The following NCKAP5 variants were observed in gnomAD, a reference collection of about 807,000 sequenced individuals.
NCKAP5 encodes NCK associated protein 5, also known as nck-associated protein 5.
A neutral mutation model predicts 167.0 loss-of-function variants in NCKAP5; 92 were observed. The ratio of observed to expected loss-of-function variants is 0.55; its 90% CI spans 0.47 to 0.66. The LOEUF is 0.66. Ranked by LOEUF, NCKAP5 falls within the 30% of genes least tolerant of loss-of-function variation. NCKAP5 has a pLI of 0.00. For missense variants in NCKAP5, 2,378 were observed against 2,315.0 expected (o/e 1.03, Z -0.56); for synonymous variants, 891 against 877.4 (o/e 1.02, Z -0.27).
intron 19 of NCKAP5, among the ~76,000 whole-genome samples, chr2:132,706,949 T>C (rs1212450576): frequency 6.6e-6 from 1 of 152,196 alleles, no homozygotes. Flanking sequence ...CATAAGAAGC[T>C]GGAGATGAAG....
the NCKAP5 span, among the ~76,000 whole-genome samples, chr2:133,579,479 CTT>C: frequency 6.6e-6 from 1 of 152,160 alleles, no homozygotes; most frequent in African/African-American, 2.4e-5. Context: ...CTGGCAGAGA[CTT>C]TGATTTTCTG....
At chr2:132,706,907 A>C (rs932540587) in intron 19 of NCKAP5, among the ~76,000 whole-genome samples, 1 of 152,150 alleles carries the variant, frequency 6.6e-6, no homozygotes, top group African/African-American at 2.4e-5. Flanking sequence ...TAAGCATAAT[A>C]CTCTCTGAGA....
chr2:132,989,177 T>A (rs1248331925), intron 7 of NCKAP5, among the ~76,000 whole-genome samples: 1 of 152,252 alleles, frequency 6.6e-6, no homozygotes, highest in Non-Finnish European at 1.5e-5. Flanking sequence ...GTTCTGTGAT[T>A]ATTTGCATCT....
At chr2:132,757,288 A>G (rs1051383529) in intron 16 of NCKAP5, among the ~76,000 whole-genome samples, 1 of 152,208 alleles carries the variant, frequency 6.6e-6, no homozygotes. Context: ...ATTAAGACTG[A>G]CATTGATAAG....
the NCKAP5 span, among the ~76,000 whole-genome samples, chr2:133,601,765 C>A: frequency 6.6e-6 from 1 of 151,978 alleles, no homozygotes; most frequent in Non-Finnish European, 1.5e-5. Context: ...ATAAACTCTA[C>A]CTTGAAGAAC....
intron 6 of NCKAP5, chr2:133,117,239 A>G (rs972549163): frequency 2.0e-5 from 3 of 152,228 alleles, no homozygotes; most frequent in African/African-American, 7.2e-5. Flanking sequence ...TAGTGCTGGC[A>G]CTTGGTAATT....
At chr2:132,680,634 C>T (rs1028596316) in intron 19 of NCKAP5, among the ~76,000 whole-genome samples, 4 of 152,014 alleles carry the variant, frequency 2.6e-5, no homozygotes, top group Non-Finnish European at 4.4e-5. Flanking sequence ...AACACCAGAT[C>T]AAGAGTACTG....
Position 133,153,833 on chromosome 2 carries a change from C to CTTTT in NCKAP5, c.208-23726_208-23723dup, listed in dbSNP as rs570596198. On this transcript the variant is annotated intron_variant, in intron 5 of 19. Coordinates refer to ENST00000409261, the MANE Select transcript of NCKAP5 (RefSeq NM_207363.3). ...GGCCCACTTCAAATAGTTCCTCCTT[C>CTTTT]TTTTTTTTTTTTTTTTTTTTGAGAT... Among the ~76,000 whole-genome samples the CTTTT allele has an allele frequency of 5.8e-3, 632 of 109,704 alleles. 16 individuals are homozygous for CTTTT. The highest frequency in any genetic ancestry group is 0.014 in the African/African-American group (375 of 27,150). The allele number at this position is 109,704 out of a possible 152,430, so 72.0% of individuals were successfully genotyped here.
At chr2:133,337,369 G>C (rs1430736311) in intron 3 of NCKAP5, among the ~76,000 whole-genome samples, 4 of 152,218 alleles carry the variant, frequency 2.6e-5, no homozygotes, top group Admixed American at 2.6e-4. Context: ...TAAGTACCAA[G>C]CTTGTGTGCT....
intron 3 of NCKAP5, among the ~76,000 whole-genome samples, chr2:133,509,446 C>A (rs954662267): frequency 3.3e-5 from 5 of 152,208 alleles, no homozygotes; most frequent in Non-Finnish European, 7.3e-5. Flanking sequence ...CCAAACAGCA[C>A]CCTGGGCCTG....
intron 4 of NCKAP5, among the ~76,000 whole-genome samples, chr2:133,262,607 A>G (rs934612608): frequency 8.5e-5 from 13 of 152,246 alleles, no homozygotes; most frequent in African/African-American, 3.1e-4. Flanking sequence ...GAGAAAGAGG[A>G]TGGAAGGGCG....
At chr2:132,906,948 A>G (rs151192523) in intron 8 of NCKAP5, among the ~76,000 whole-genome samples, 102 of 152,332 alleles carry the variant, frequency 6.7e-4, no homozygotes, top group African/African-American at 2.4e-3. Context: ...GACACGTTTT[A>G]CTTGAATGAT....
intron 6 of NCKAP5, among the ~76,000 whole-genome samples, chr2:133,099,298 G>A (rs146077381): frequency 5.9e-5 from 9 of 152,110 alleles, no homozygotes; most frequent in South Asian, 2.1e-4. Context: ...TGGTCTCCAC[G>A]GAATTTGTTT....
At chr2:132,954,026 T>G (rs543419995) in intron 8 of NCKAP5, among the ~76,000 whole-genome samples, 3 of 151,870 alleles carry the variant, frequency 2.0e-5, no homozygotes, top group South Asian at 2.1e-4. Context: ...GAACTGAGAG[T>G]TGGAGAAAGC....
intron 6 of NCKAP5, among the ~76,000 whole-genome samples, chr2:133,100,943 T>C (rs2081493968): frequency 6.6e-6 from 1 of 152,202 alleles, no homozygotes; most frequent in Admixed American, 6.5e-5. Flanking sequence ...TTTGTTGCCA[T>C]TGCTTTTGGT....
At chr2:133,353,614 A>G (rs1684511191) in intron 3 of NCKAP5, among the ~76,000 whole-genome samples, 1 of 152,130 alleles carries the variant, frequency 6.6e-6, no homozygotes, top group Non-Finnish European at 1.5e-5. Flanking sequence ...TTGGCCTGAG[A>G]CACACCCCTA....
intron 3 of NCKAP5, among the ~76,000 whole-genome samples, chr2:133,308,164 C>T (rs1005950730): frequency 1.4e-5 from 2 of 145,174 alleles, no homozygotes; most frequent in East Asian, 4.1e-4. Context: ...TCTCGGCTCA[C>T]TGCAAGCTCC....
intron 2 of NCKAP5, among the ~76,000 whole-genome samples, chr2:133,520,887 C>T (rs544352416): frequency 2.0e-5 from 3 of 152,276 alleles, no homozygotes; most frequent in South Asian, 2.1e-4. Flanking sequence ...TGGCAACAAG[C>T]GGTACAGTTA....
rs147357356 is a variant in NCKAP5, at chr2:133,346,759, C to T, written c.70-43649G>A. Among the ~76,000 whole-genome samples, 13 of 152,274 alleles carry T rather than the reference C, an allele frequency of 8.5e-5. No individual in the cohort carries two copies. In the East Asian group the frequency reaches 2.1e-3, roughly 25 times the overall value. Reference sequence around the variant, plus strand: ...GCAACCAAGCTTCATCCATGGATGGCGATGCAACAGGAGGGCCACTTGCCA... The same window carrying T: ...GCAACCAAGCTTCATCCATGGATGGTGATGCAACAGGAGGGCCACTTGCCA... On this transcript the variant is annotated intron_variant, in intron 3 of 19. Transcript: ENST00000409261.
Sources: allele counts gnomAD v4.1 joint callset (sites outside exome capture counted in the v4.1 genomes callset), GRCh38; gene constraint gnomAD v4.1.1; transcripts MANE v1.5; gene names NCBI Gene and HGNC (gene_info 2026-07-23, HGNC 2026-07-21).